The following DARS2 variants were observed in gnomAD, a reference collection of about 807,000 sequenced individuals.
The protein encoded by DARS2 is aspartyl-tRNA synthetase 2, mitochondrial.
A neutral mutation model predicts 83.0 loss-of-function variants in DARS2; 63 were observed. The ratio of observed to expected loss-of-function variants is 0.76; its 90% CI spans 0.62 to 0.94. The LOEUF is 0.94. Ranked by LOEUF, DARS2 falls within the 40% of genes least tolerant of loss-of-function variation. The pLI is 0.00. For missense variants in DARS2, 675 were observed against 774.4 expected (o/e 0.87, Z 1.52); for synonymous variants, 250 against 269.3 (o/e 0.93, Z 0.70).
intron 4 of DARS2, 141 bp downstream of exon 4, chr1:173,830,902 C>G (rs1652772148): frequency 1.4e-6 from 1 of 705,488 alleles, no homozygotes; most frequent in East Asian, 2.8e-5. Context: ...ATTTCAAAAT[C>G]TTGACTATAA....
At chr1:173,836,280 A>T (rs1457731825) in intron 7 of DARS2, among the ~76,000 whole-genome samples, 2 of 151,830 alleles carry the variant, frequency 1.3e-5, no homozygotes, top group South Asian at 2.1e-4. Flanking sequence ...AGTGGCTCAC[A>T]CCTGTAATCC....
chr1:173,826,702 T>C lies in DARS2; in HGVS notation c.143T>C (p.Val48Ala). ...QRRIPEFSSF[V>A]VRTNTCGELR... ...TTTTTTAAAGAATTCAGTAGCTTTG[T>C]TGTCCGGACCAACACATGTGGAGAG... The change falls in exon 2 of 17, where the codon GTT (valine) becomes GCT (alanine). Residue 48 changes from valine to alanine, a missense_variant. Val to Ala is a moderately conservative substitution (Grantham distance 64). Coordinates refer to ENST00000649689, the MANE Select transcript of DARS2 (RefSeq NM_018122.5). The C allele has an allele frequency of 1.1e-5, 17 of 1,612,174 alleles. No individual in the cohort carries two copies. Among genetic ancestry groups the C allele is most frequent in the Non-Finnish European group, 1.4e-5 (17 of 1,179,318 alleles).
chr1:173,830,478 T>C (rs1652754990), intron 3 of DARS2, among the ~76,000 whole-genome samples, 182 bp from the exon 4 acceptor site: 1 of 152,234 alleles, frequency 6.6e-6, no homozygotes, highest in Admixed American at 6.5e-5. Context: ...CTGTATTATA[T>C]AGAGTCAAAA....
intron 13 of DARS2, among the ~76,000 whole-genome samples, chr1:173,850,964 A>G (rs988909367): frequency 4.0e-5 from 6 of 151,266 alleles, no homozygotes; most frequent in African/African-American, 1.5e-4. Context: ...TTGGCCGGGC[A>G]TGGTGGCTAA....
In DARS2 at chr1:173,824,859, G is replaced by A. The variant is rs1010199696; in HGVS notation, c.-371G>A. The A allele has an allele frequency of 3.9e-6, 1 of 255,980 alleles. No homozygotes were observed. The highest frequency in any genetic ancestry group is 4.9e-5 in the Admixed American group (1 of 20,244). 15.9% of individuals were successfully genotyped at this position (255,980 alleles called of 1,614,324 possible). ...GAGCCTCTCGAGAAGCGTGGAAAGA[G>A]GAGAAGGGCGTATACCTTGTGACCG... is the stretch of plus-strand genomic sequence containing the variant. On this transcript the variant is annotated 5_prime_UTR_variant, in exon 1 of 17. Transcript: ENST00000649689.
At position 173,853,549 on chromosome 1, in the gene DARS2, G is replaced by A. The variant is rs142541552; in HGVS notation, c.1545G>A (p.Leu515=). The change falls in exon 14 of 17, where the codon CTG becomes CTA. Residue 515 remains leucine, a synonymous_variant. Coordinates refer to ENST00000649689, the MANE Select transcript of DARS2 (RefSeq NM_018122.5). ...TAPHPSDIHL[L]YTEPKKARSQ... The stretch of plus-strand genomic sequence containing the variant: ...CCCACCCCAGTGACATACATCTCCT[G>A]TACACTGAGCCCAAAAAGGTACCGT... 18 of 1,613,850 alleles carry A rather than the reference G, an allele frequency of 1.1e-5. No homozygotes were observed. Among genetic ancestry groups the A allele is most frequent in the Non-Finnish European group, 1.4e-5 (17 of 1,180,020 alleles).
chr1:173,831,230 T>C (rs1346894148), intron 4 of DARS2, among the ~76,000 whole-genome samples: 1 of 151,136 alleles, frequency 6.6e-6, no homozygotes, highest in Non-Finnish European at 1.5e-5. Flanking sequence ...TTTTTTTTTT[T>C]CAGGACGGGT....
chr1:173,856,229 A>T (rs7518130), intron 15 of DARS2, among the ~76,000 whole-genome samples: 13,099 of 152,242 alleles, frequency 0.086, 1,807 homozygotes, highest in African/African-American at 0.29. Flanking sequence ...GTTACTCACA[A>T]GATCACTAAA....
Position 173,839,373 on chromosome 1 carries a change from A to G in DARS2, c.847A>G (p.Ile283Val). 4 of 1,614,140 alleles carry G rather than the reference A, an allele frequency of 2.5e-6. No individual in the cohort carries two copies. The highest frequency in any genetic ancestry group is 1.3e-5 in the African/African-American group (1 of 75,064). Residue 283 changes from isoleucine (I) to valine (V), a missense_variant, in exon 10 of 17, where the codon ATA (isoleucine) becomes GTA (valine). Transcript: ENST00000649689. Reference sequence around the variant, plus strand: ...TATGGTACTTTGGTTTCAGATTGACATAGAGATGTCATTTGTAGACCAGAC... The same window carrying G: ...TATGGTACTTTGGTTTCAGATTGACGTAGAGATGTCATTTGTAGACCAGAC... Reference protein sequence around the residue: ...DRQPEFTQIDIEMSFVDQTGI... With the variant: ...DRQPEFTQIDVEMSFVDQTGI...
intron 8 of DARS2, among the ~76,000 whole-genome samples, chr1:173,837,834 C>T (rs560500846): frequency 3.3e-5 from 5 of 151,638 alleles, no homozygotes; most frequent in South Asian, 4.2e-4. Context: ...AGTGCAATGG[C>T]GCAATCTCGG....
Position 173,857,873 on chromosome 1 carries a change from C to T in DARS2, c.*168C>T, listed in dbSNP as rs550840346. 375 of 750,666 alleles carry T rather than the reference C, an allele frequency of 5.0e-4. 1 individual carries two copies. Among genetic ancestry groups the T allele is most frequent in the Admixed American group, 1.1e-3 (43 of 38,664 alleles). The allele number at this position is 750,666 out of a possible 1,614,324, so 46.5% of individuals were successfully genotyped here. A position where few individuals can be genotyped will look rare whatever the true frequency, so the allele number is the denominator to read the frequency against. On this transcript the variant is annotated 3_prime_UTR_variant, in exon 17 of 17. Transcript: ENST00000649689. ...AACGAAGAAACAGATAAAAGATACC[C>T]AATTTTGACTTGATTTCATGCATCA...
chr1:173,850,429 A>C lies in DARS2; in HGVS notation c.1294A>C (p.Thr432Pro), dbSNP rs1474134627. The C allele has an allele frequency of 6.2e-7, 1 of 1,613,970 alleles. No individual in the cohort carries two copies. Among genetic ancestry groups the C allele is most frequent in the East Asian group, 2.2e-5 (1 of 44,848 alleles). ...ACTGGAATTAATCAGACTAATGGAG[A>C]CCCAAGAGGAAGATGTGGTCCTACT... ...QRLELIRLME[T>P]QEEDVVLLTA... Residue 432 changes from threonine (T) to proline (P), a missense_variant, in exon 13 of 17, where the codon ACC (threonine) becomes CCC (proline). Physicochemically the swap from Thr to Pro is conservative, Grantham distance 38. Coordinates refer to ENST00000649689, the MANE Select transcript of DARS2 (RefSeq NM_018122.5).
At chr1:173,827,627 T>C (rs959766497) in intron 2 of DARS2, among the ~76,000 whole-genome samples, 2 of 151,780 alleles carry the variant, frequency 1.3e-5, no homozygotes, top group Non-Finnish European at 2.9e-5. Flanking sequence ...CGAGACTCCG[T>C]CTCAGGAAAA....
At chr1:173,848,935 A>T (rs1051029581) in intron 12 of DARS2, among the ~76,000 whole-genome samples, 1 of 152,010 alleles carries the variant, frequency 6.6e-6, no homozygotes, top group Non-Finnish European at 1.5e-5. Flanking sequence ...TTTCTTTTGC[A>T]TGTCATTTTT....
At chr1:173,847,843 C>T (rs1211215580) in intron 12 of DARS2, among the ~76,000 whole-genome samples, 1 of 139,948 alleles carries the variant, frequency 7.1e-6, no homozygotes, top group African/African-American at 2.7e-5. Flanking sequence ...TCTTTCTGAA[C>T]CTTTTTTTTT....
rs1474907 is a variant in DARS2, at chr1:173,851,884, C to T, written c.1344+1405C>T. 21,123 of 985,234 alleles carry T rather than the reference C, an allele frequency of 0.021. 3,042 individuals carry two copies. The African/African-American group carries it at 0.32, about 15-fold the overall frequency. The allele number at this position is 985,234 out of a possible 1,614,324, so 61.0% of individuals were successfully genotyped here. On this transcript the variant is annotated intron_variant, in intron 13 of 16. Coordinates refer to ENST00000649689, the MANE Select transcript of DARS2 (RefSeq NM_018122.5). ...AAAGCTAAATGTAATCCCCCGTCTCCCCTTCCCCTACAATAGTAAAATGAA... is the reference window on the plus strand; with the variant it reads ...AAAGCTAAATGTAATCCCCCGTCTCTCCTTCCCCTACAATAGTAAAATGAA...
chr1:173,857,744 T>C lies in DARS2; in HGVS notation c.*39T>C. On this transcript the variant is annotated 3_prime_UTR_variant, in exon 17 of 17. Coordinates refer to ENST00000649689, the MANE Select transcript of DARS2 (RefSeq NM_018122.5). ...TGCAGAAAGTTGAGCTTTTAGGTTTTGTCCTCTTTGCTTCCCCAAGGCTAA... is the reference window on the plus strand; with the variant it reads ...TGCAGAAAGTTGAGCTTTTAGGTTTCGTCCTCTTTGCTTCCCCAAGGCTAA... 6.2e-7 allele frequency: 1 copy of C among 1,611,262 alleles called. No individual in the cohort carries two copies. The highest frequency in any genetic ancestry group is 8.5e-7 in the Non-Finnish European group (1 of 1,177,646).
At chr1:173,840,514 G>A (rs1167810946) in intron 10 of DARS2, among the ~76,000 whole-genome samples, 1 of 152,218 alleles carries the variant, frequency 6.6e-6, no homozygotes, top group Non-Finnish European at 1.5e-5. Flanking sequence ...TAATAGGCAT[G>A]AGCCTCTGCG....
intron 2 of DARS2, among the ~76,000 whole-genome samples, chr1:173,827,151 C>T (rs1483318681): frequency 6.6e-6 from 1 of 152,076 alleles, no homozygotes; most frequent in Non-Finnish European, 1.5e-5. Flanking sequence ...TGTTAAACTC[C>T]AATAGCATGG....
Sources: allele counts gnomAD v4.1 joint callset (sites outside exome capture counted in the v4.1 genomes callset), GRCh38; gene constraint gnomAD v4.1.1; transcripts MANE v1.5; gene names NCBI Gene and HGNC (gene_info 2026-07-23, HGNC 2026-07-21).